PSRC1: variants seen among roughly 807,000 people sequenced by gnomAD.
PSRC1 encodes the protein proline and serine rich coiled-coil 1.
In PSRC1, 30 loss-of-function variants were observed where a neutral mutation model predicts 31.9. The ratio of observed to expected loss-of-function variants is 0.94; its 90% CI spans 0.70 to 1.28. The LOEUF (loss-of-function observed/expected upper bound fraction) is 1.28. Among genes scored for constraint, PSRC1 ranks in the 50% most tolerant of loss-of-function variants. PSRC1 has a pLI of 0.00. For missense variants in PSRC1, 481 were observed against 472.8 expected (o/e 1.02, Z -0.16); for synonymous variants, 191 against 192.1 (o/e 0.99, Z 0.05).
chr1:109,282,784 T>A, intron 1 of PSRC1, 48 bp from the exon 2 acceptor site: 1 of 1,540,048 alleles, frequency 6.5e-7, no homozygotes, highest in Non-Finnish European at 8.8e-7. Context: ...TGCCCAAGGC[T>A]CGCAGCTAGA....
At chr1:109,282,161 G>C (rs1657267431) in intron 3 of PSRC1, 101 bp from the exon 4 acceptor site, 1 of 1,108,892 alleles carries the variant, frequency 9.0e-7, no homozygotes, top group Admixed American at 3.0e-5. Context: ...CCAGGGACAT[G>C]ACCCTAGGCC....
chr1:109,282,354 C>T lies in PSRC1; in HGVS notation c.77+164G>A, dbSNP rs138507386. 5.0e-4 allele frequency: 323 copies of T among 648,952 alleles called. 2 individuals carry two copies. The East Asian group carries it at 7.4e-3, about 15-fold the overall frequency. 40.2% of individuals were successfully genotyped at this position (648,952 alleles called of 1,614,324 possible). A position where few individuals can be genotyped will look rare whatever the true frequency, so the allele number is the denominator to read the frequency against. The stretch of plus-strand genomic sequence containing the variant: ...AACTCCAGCTTCTCCCTTCTCTCCC[C>T]GCTACCAATAGTGTCATAGAGGCCC... On this transcript the variant is annotated intron_variant, in intron 3 of 6. Coordinates refer to ENST00000409138, the Ensembl canonical transcript of PSRC1.
At chr1:109,279,980 T>G (rs2101323167) in exon 7 of PSRC1, 2 of 800,850 alleles carry the variant, frequency 2.5e-6, no homozygotes, top group South Asian at 2.9e-5. Flanking sequence ...AGCTCAATCC[T>G]AATCCACCCC....
chr1:109,281,927 G>C, exon 4 of PSRC1: 1 of 1,602,174 alleles, frequency 6.2e-7, no homozygotes, highest in Non-Finnish European at 8.5e-7. Context: ...AGCTTCTCTG[G>C]ACTGAGGGGG....
intron 5 of PSRC1, 105 bp downstream of exon 6, chr1:109,280,672 C>G: frequency 9.5e-7 from 1 of 1,049,312 alleles, no homozygotes; most frequent in South Asian, 1.6e-5. Context: ...TCCCCATCTT[C>G]CAATTGAATT....
At chr1:109,280,857 G>C in exon 5 of PSRC1, 2 of 1,613,518 alleles carry the variant, frequency 1.2e-6, no homozygotes, top group Middle Eastern at 1.6e-4. Context: ...AGAATCCGGA[G>C]GTAGGGCACC....
intron 4 of PSRC1, 73 bp from the exon 5 acceptor site, chr1:109,281,324 A>C: frequency 7.6e-7 from 1 of 1,312,896 alleles, no homozygotes; most frequent in African/African-American, 1.5e-5. Flanking sequence ...AGGAATTAAG[A>C]AATAGAGGTG....
At chr1:109,282,019 T>G (rs1657235324) in exon 4 of PSRC1, 1 of 1,506,902 alleles carries the variant, frequency 6.6e-7, no homozygotes, top group Non-Finnish European at 8.9e-7. Flanking sequence ...TCGAAGTGGT[T>G]TCTCTGGAGT....
intron 6 of PSRC1, 41 bp from the exon 8 acceptor site, chr1:109,280,197 T>G: frequency 6.2e-7 from 1 of 1,609,826 alleles, no homozygotes; most frequent in Non-Finnish European, 8.5e-7. Flanking sequence ...AATGCCCTTC[T>G]TCCTCAAGCC....
rs1267031816 is a variant in PSRC1 at position 109,282,584 on chromosome 1, G to A, written c.20-9C>T. 1 of 1,613,394 alleles carries A rather than the reference G, an allele frequency of 6.2e-7. No homozygotes were observed. Among genetic ancestry groups the A allele is most frequent in the East Asian group, 2.2e-5 (1 of 44,880 alleles). On this transcript the variant is annotated splice_polypyrimidine_tract_variant and intron_variant, in intron 2 of 6. Transcript: ENST00000409138. Reference sequence around the variant, plus strand: ...CACAATAAACCTTACATCTGAAGGGGAAAGAAGAATGAAAGCCAGTCATGG... The same window carrying A: ...CACAATAAACCTTACATCTGAAGGGAAAAGAAGAATGAAAGCCAGTCATGG...
intron 1 of PSRC1, 22 bp from the exon 2 acceptor site, chr1:109,282,758 C>T: frequency 6.5e-7 from 1 of 1,548,690 alleles, no homozygotes; most frequent in East Asian, 2.4e-5. Context: ...CCATACCTTT[C>T]CTCAGGTATC....
chr1:109,281,074 G>T (rs988503564), exon 5 of PSRC1: 6 of 1,613,376 alleles, frequency 3.7e-6, no homozygotes, highest in Non-Finnish European at 4.2e-6. Context: ...AGAAATTTCA[G>T]GGTCAATCCC....
At chr1:109,279,993 T>C in exon 7 of PSRC1, 1 of 870,372 alleles carries the variant, frequency 1.1e-6, no homozygotes, top group Non-Finnish European at 1.9e-6. Context: ...TCCACCCCAT[T>C]TCCCATGGTC....
intron 1 of PSRC1, 23 bp from the exon 2 acceptor site, chr1:109,282,759 C>T: frequency 6.5e-7 from 1 of 1,548,616 alleles, no homozygotes; most frequent in African/African-American, 1.4e-5. Flanking sequence ...CATACCTTTC[C>T]TCAGGTATCC....
chr1:109,281,899 T>A (rs746210158), exon 4 of PSRC1: 1 of 1,610,388 alleles, frequency 6.2e-7, no homozygotes, highest in South Asian at 1.1e-5. Context: ...CCGGTTGGCC[T>A]CATCGAGGAT....
chr1:109,281,473 G>T (rs896363329), intron 4 of PSRC1, 146 bp downstream of exon 4: 10 of 838,054 alleles, frequency 1.2e-5, no homozygotes, highest in Admixed American at 2.7e-5. Flanking sequence ...AAGAGTTTTG[G>T]TTCTCTTTTT....
intron 5 of PSRC1, 36 bp from the exon 7 acceptor site, chr1:109,280,525 CAAGTTTAACTGACCTCGA>C (rs764738004): frequency 6.9e-5 from 107 of 1,541,422 alleles, no homozygotes; most frequent in Middle Eastern, 1.7e-4. Flanking sequence ...GAGTTAGCAG[CAAGTTTAACTGACCTCGA>C]AAAGAAATAC....
chr1:109,280,739 C>T (rs1656927220), intron 5 of PSRC1, 38 bp downstream of exon 6: 1 of 1,501,314 alleles, frequency 6.7e-7, no homozygotes, highest in South Asian at 1.3e-5. Context: ...TGAGGACACG[C>T]TGGGCAAGGG....
At chr1:109,283,034 A>C (rs1570827467) in intron 1 of PSRC1, 29 bp downstream of exon 1, 14 of 419,708 alleles carry the variant, frequency 3.3e-5, no homozygotes, top group Middle Eastern at 6.3e-4. Flanking sequence ...CCACCTTTCC[A>C]CTCCCCTGGC....
Sources: allele counts gnomAD v4.1 joint callset, GRCh38; gene constraint gnomAD v4.1.1; transcripts MANE v1.5; gene names NCBI Gene and HGNC (gene_info 2026-07-23, HGNC 2026-07-21).